WWOX: variants seen among roughly 807,000 people sequenced by gnomAD.
The protein encoded by WWOX is WW domain-containing oxidoreductase.
In WWOX, 69 loss-of-function variants were observed where a neutral mutation model predicts 46.2. The ratio of observed to expected loss-of-function variants is 1.49; its 90% CI spans 1.23 to 1.82. WWOX has a LOEUF of 1.82. Ranked by LOEUF, WWOX falls within the 40% of genes most tolerant of loss-of-function variation. WWOX has a pLI of 0.00. For missense variants in WWOX, 919 were observed against 542.6 expected, an observed-to-expected ratio of 1.69 and a Z score of -6.89; for synonymous variants, 359 against 202.6, an observed-to-expected ratio of 1.77 and a Z score of -6.56.
At chr16:78,130,979 C>G in intron 4 of WWOX, among the ~76,000 whole-genome samples, 1 of 152,198 alleles carries the variant, frequency 6.6e-6, no homozygotes, top group East Asian at 1.9e-4. Flanking sequence ...ATGGGATAGC[C>G]TGTTGCTTCC....
At chr16:79,042,865 A>C (rs1233748648) in intron 8 of WWOX, among the ~76,000 whole-genome samples, 1 of 152,210 alleles carries the variant, frequency 6.6e-6, no homozygotes, top group East Asian at 1.9e-4. Context: ...TTTAATTAAA[A>C]TAGCTTTTAT....
chr16:78,370,166 T>TG (rs1277142835), intron 5 of WWOX, among the ~76,000 whole-genome samples: 3 of 147,476 alleles, frequency 2.0e-5, no homozygotes, highest in African/African-American at 7.5e-5. Context: ...TGGATCTAGA[T>TG]GCCAGACAAT....
chr16:78,729,341 CAA>C (rs34485602), intron 8 of WWOX, among the ~76,000 whole-genome samples: 10 of 142,756 alleles, frequency 7.0e-5, no homozygotes, highest in Non-Finnish European at 1.1e-4. Context: ...GACCCTGCCT[CAA>C]AAAAAAAAAG....
intron 5 of WWOX, among the ~76,000 whole-genome samples, chr16:78,253,546 G>A (rs1230709884): frequency 2.0e-5 from 3 of 152,170 alleles, no homozygotes; most frequent in Non-Finnish European, 4.4e-5. Flanking sequence ...CTGCAGAAGT[G>A]TCACACTTTT....
chr16:78,939,019 G>A (rs946034272), intron 8 of WWOX, among the ~76,000 whole-genome samples: 3 of 152,146 alleles, frequency 2.0e-5, no homozygotes, highest in Non-Finnish European at 4.4e-5. Flanking sequence ...AAGGTTTTGT[G>A]GCCTTTCAGC....
At chr16:78,248,877 T>C (rs1472212343) in intron 5 of WWOX, among the ~76,000 whole-genome samples, 1 of 149,164 alleles carries the variant, frequency 6.7e-6, no homozygotes, top group Non-Finnish European at 1.5e-5. Context: ...TTTTTTTTTT[T>C]TTTTTTTTGA....
chr16:78,706,804 C>T (rs1028973628), intron 8 of WWOX, among the ~76,000 whole-genome samples: 3 of 152,130 alleles, frequency 2.0e-5, no homozygotes, highest in Non-Finnish European at 4.4e-5. Context: ...ATACAAACTA[C>T]CTTTTTTTTT....
At chr16:78,965,808 G>A (rs767128202) in intron 8 of WWOX, among the ~76,000 whole-genome samples, 1 of 152,060 alleles carries the variant, frequency 6.6e-6, no homozygotes, top group Admixed American at 6.6e-5. Context: ...ATATCTAGAG[G>A]CTTATTGATT....
chr16:78,871,598 C>A (rs914872010), intron 8 of WWOX, among the ~76,000 whole-genome samples: 2 of 152,146 alleles, frequency 1.3e-5, no homozygotes, highest in Admixed American at 6.6e-5. Flanking sequence ...CTAGGAAATG[C>A]ACTAGGTAAC....
chr16:78,930,062 A>C (rs1317838116), intron 8 of WWOX, among the ~76,000 whole-genome samples: 1 of 151,928 alleles, frequency 6.6e-6, no homozygotes, highest in African/African-American at 2.4e-5. Flanking sequence ...TCCTTAGGGG[A>C]AGCATAGCTT....
chr16:78,909,580 C>A (rs2045056127), intron 8 of WWOX, among the ~76,000 whole-genome samples: 1 of 152,180 alleles, frequency 6.6e-6, no homozygotes, highest in African/African-American at 2.4e-5. Context: ...TGAAACCCAT[C>A]ATTTGACACA....
chr16:78,225,605 T>C lies in WWOX; in HGVS notation c.516+61316T>C, dbSNP rs1156733493. ...TTGACTTTGAAATCATTAAATTCAT[T>C]GAGGATTTGTTTTGCCATGAGGAAT... On this transcript the variant is annotated intron_variant, in intron 5 of 8. Transcript: ENST00000566780. 2.6e-5 allele frequency among the ~76,000 whole-genome samples: 4 copies of C among 152,320 alleles called. No individual in the cohort carries two copies. In the East Asian group the frequency reaches 5.8e-4, roughly 22 times the overall value.
chr16:78,771,248 G>C (rs933157560), intron 8 of WWOX, among the ~76,000 whole-genome samples: 1 of 152,332 alleles, frequency 6.6e-6, no homozygotes, highest in Non-Finnish European at 1.5e-5. Context: ...GTGTTGAGTG[G>C]ATTGGTAAGG....
chr16:79,120,949 A>G (rs1367108883), intron 8 of WWOX, among the ~76,000 whole-genome samples: 2 of 151,910 alleles, frequency 1.3e-5, no homozygotes, highest in Non-Finnish European at 2.9e-5. Flanking sequence ...TTGTATTTTT[A>G]GTAGAGACGA....
chr16:78,489,497 C>A (rs556983029), intron 8 of WWOX, among the ~76,000 whole-genome samples: 1 of 152,124 alleles, frequency 6.6e-6, no homozygotes, highest in African/African-American at 2.4e-5. Context: ...TAACCACTTT[C>A]CCAGTGAGAC....
At position 78,120,333 on chromosome 16, in the gene WWOX, G is replaced by A. The variant is rs533339049; in HGVS notation, c.409+5179G>A. On this transcript the variant is annotated intron_variant, in intron 4 of 8. Coordinates refer to ENST00000566780, the MANE Select transcript of WWOX (RefSeq NM_016373.4). ...CGCCTGTAATCCCAGCACTTTGAGAGGCCGAGGCGGGTGGATCATGAGGTC... is the reference window on the plus strand; with the variant it reads ...CGCCTGTAATCCCAGCACTTTGAGAAGCCGAGGCGGGTGGATCATGAGGTC... Among the ~76,000 whole-genome samples, 25 of 152,284 alleles carry A rather than the reference G, an allele frequency of 1.6e-4. No individual in the cohort carries two copies. The South Asian group carries it at 4.1e-3, about 25-fold the overall frequency.
chr16:78,597,629 T>G (rs1463130081), intron 8 of WWOX, among the ~76,000 whole-genome samples: 2 of 152,128 alleles, frequency 1.3e-5, no homozygotes, highest in African/African-American at 4.8e-5. Context: ...AATTGTTTTT[T>G]TCTCGTTCAT....
chr16:78,879,990 T>G (rs1322463845), intron 8 of WWOX, among the ~76,000 whole-genome samples: 1 of 152,174 alleles, frequency 6.6e-6, no homozygotes, highest in East Asian at 1.9e-4. Context: ...TGAAATCTGG[T>G]GTAATGGCGT....
At chr16:78,995,169 G>T (rs942591080) in intron 8 of WWOX, among the ~76,000 whole-genome samples, 2 of 151,948 alleles carry the variant, frequency 1.3e-5, no homozygotes, top group Non-Finnish European at 2.9e-5. Flanking sequence ...AGTAGCAAAA[G>T]TATCTTCCAA....
Sources: allele counts gnomAD v4.1 joint callset (sites outside exome capture counted in the v4.1 genomes callset), GRCh38; gene constraint gnomAD v4.1.1; transcripts MANE v1.5; gene names NCBI Gene and HGNC (gene_info 2026-07-23, HGNC 2026-07-21).